Variants in CSGALNACT1 observed in about 807,000 individuals in gnomAD.
The protein encoded by CSGALNACT1 is chondroitin sulfate N-acetylgalactosaminyltransferase 1.
In CSGALNACT1, 52 loss-of-function variants were observed where a neutral mutation model predicts 51.0. The observed-to-expected ratio is 1.02, with a 90% CI of 0.82 to 1.29. The LOEUF (loss-of-function observed/expected upper bound fraction) is 1.29, where lower values mean the gene tolerates loss of function less well. Among genes scored for constraint, CSGALNACT1 ranks in the 50% most tolerant of loss-of-function variants. The pLI is 0.00. For missense variants in CSGALNACT1, 935 were observed against 679.2 expected, an observed-to-expected ratio of 1.38 and a Z score of -4.19; for synonymous variants, 341 against 254.4, an observed-to-expected ratio of 1.34 and a Z score of -3.24.
intron 1 of CSGALNACT1, among the ~76,000 whole-genome samples, chr8:19,619,094 T>C (rs2053471305): frequency 6.6e-6 from 1 of 151,960 alleles, no homozygotes; most frequent in African/African-American, 2.4e-5. Flanking sequence ...CAGTGGGCTA[T>C]GAGAAAGCGT....
intron 8 of CSGALNACT1, among the ~76,000 whole-genome samples, chr8:19,413,563 G>A (rs1344138532): frequency 6.6e-6 from 1 of 152,194 alleles, no homozygotes; most frequent in African/African-American, 2.4e-5. Flanking sequence ...ATGCAAGGAT[G>A]CATAGGATGT....
chr8:19,666,995 GAAAGAAAGAAAGAAAGA>G lies in CSGALNACT1; in HGVS notation c.-544+15461_-544+15477del, dbSNP rs1564385679. ...AGAAAGAAAGAAAGAAAGAAAGAAAGAAAGAAAGAAAGAAAGAAAGAAAGGAAGGAAGGAAGGAAGGA... is the reference window on the plus strand; with the variant it reads ...AGAAAGAAAGAAAGAAAGAAAGAAAGAAGAAAGGAAGGAAGGAAGGAAGGA... On this transcript the variant is annotated intron_variant, in intron 1 of 9. Coordinates refer to the CSGALNACT1 transcript ENST00000332246. 9.9e-3 allele frequency among the ~76,000 whole-genome samples: 265 copies of G among 26,886 alleles called. 13 individuals are homozygous for G. Among genetic ancestry groups the G allele is most frequent in the Middle Eastern group, 0.028 (1 of 36 alleles). 17.6% of individuals were successfully genotyped at this position (26,886 alleles called of 152,430 possible).
At chr8:19,546,238 T>A (rs774236729) in intron 3 of CSGALNACT1, among the ~76,000 whole-genome samples, 2 of 152,316 alleles carry the variant, frequency 1.3e-5, no homozygotes, top group East Asian at 1.9e-4. Flanking sequence ...TATAAATACA[T>A]AAAACATGAT....
At chr8:19,416,259 C>T (rs1057360254) in intron 8 of CSGALNACT1, among the ~76,000 whole-genome samples, 8 of 151,808 alleles carry the variant, frequency 5.3e-5, no homozygotes, top group Non-Finnish European at 7.4e-5. Flanking sequence ...GGATTACAGG[C>T]GCATACCACC....
chr8:19,722,202 C>T (rs556631332), intron 1 of CSGALNACT1, among the ~76,000 whole-genome samples: 2 of 152,142 alleles, frequency 1.3e-5, no homozygotes, highest in East Asian at 3.9e-4. Context: ...AAGAAATTGG[C>T]GCTTGAGACC....
intron 4 of CSGALNACT1, among the ~76,000 whole-genome samples, chr8:19,504,264 G>T (rs541489947): frequency 6.6e-6 from 1 of 152,228 alleles, no homozygotes; most frequent in South Asian, 2.1e-4. Context: ...TTTTAGTAGA[G>T]ATGGGGTTTC....
chr8:19,462,928 T>C (rs1428320202), intron 4 of CSGALNACT1, among the ~76,000 whole-genome samples: 1 of 152,160 alleles, frequency 6.6e-6, no homozygotes, highest in East Asian at 1.9e-4. Flanking sequence ...CTAAACAGCA[T>C]AGAGCATAGT....
At chr8:19,530,626 G>C (rs2082583039) in intron 3 of CSGALNACT1, among the ~76,000 whole-genome samples, 1 of 152,144 alleles carries the variant, frequency 6.6e-6, no homozygotes, top group Admixed American at 6.5e-5. Flanking sequence ...AGTTATTCAA[G>C]TGGCTGAGGC....
chr8:19,681,427 A>G (rs1218672502), intron 1 of CSGALNACT1, among the ~76,000 whole-genome samples: 1 of 152,158 alleles, frequency 6.6e-6, no homozygotes, highest in Non-Finnish European at 1.5e-5. Flanking sequence ...TGGCTCCTCC[A>G]TCACAGCAGA....
At chr8:19,536,900 T>C (rs528230849) in intron 3 of CSGALNACT1, among the ~76,000 whole-genome samples, 4 of 152,298 alleles carry the variant, frequency 2.6e-5, no homozygotes, top group African/African-American at 9.6e-5. Context: ...CAGAAGTAAT[T>C]CAACGGGGGT....
At position 19,486,192 on chromosome 8, in the gene CSGALNACT1, T is replaced by C. The variant is rs570124489; in HGVS notation, c.634+19009A>G. On this transcript the variant is annotated intron_variant, in intron 4 of 9. Transcript: ENST00000454498. ...ACTTGTGTTTTTCCCAGGTGTGCCTTTAGGCTGGCTTAATGAGCCTTGATG... is the reference window on the plus strand; with the variant it reads ...ACTTGTGTTTTTCCCAGGTGTGCCTCTAGGCTGGCTTAATGAGCCTTGATG... Among the ~76,000 whole-genome samples, 244 of 152,192 alleles carry C rather than the reference T, an allele frequency of 1.6e-3. 1 individual carries two copies. Among genetic ancestry groups the C allele is most frequent in the Admixed American group, 2.7e-3 (41 of 15,292 alleles).
At chr8:19,409,553 G>T (rs1413560331) in intron 8 of CSGALNACT1, among the ~76,000 whole-genome samples, 3 of 151,958 alleles carry the variant, frequency 2.0e-5, no homozygotes, top group Non-Finnish European at 4.4e-5. Flanking sequence ...ACACAAACAC[G>T]TATTCAGCTG....
chr8:19,542,210 C>T (rs2085366542), intron 3 of CSGALNACT1, among the ~76,000 whole-genome samples: 2 of 143,726 alleles, frequency 1.4e-5, no homozygotes, highest in South Asian at 4.3e-4. Context: ...AACACACACA[C>T]ACACACACAC....
intron 3 of CSGALNACT1, among the ~76,000 whole-genome samples, chr8:19,521,411 G>A (rs568755005): frequency 1.1e-4 from 16 of 152,308 alleles, no homozygotes; most frequent in East Asian, 5.8e-4. Context: ...GGGCCGGCAC[G>A]GTGACTTACG....
chr8:19,707,959 G>C (rs540597609), intron 1 of CSGALNACT1, among the ~76,000 whole-genome samples: 1 of 152,318 alleles, frequency 6.6e-6, no homozygotes, highest in South Asian at 2.1e-4. Flanking sequence ...AGTGAGCTGA[G>C]ATGGCGCCAC....
chr8:19,452,248 G>T (rs1230894154), intron 5 of CSGALNACT1, among the ~76,000 whole-genome samples: 1 of 152,170 alleles, frequency 6.6e-6, no homozygotes, highest in Non-Finnish European at 1.5e-5. Flanking sequence ...GTGAGAGAAG[G>T]CAGCCTGGGG....
At chr8:19,636,683 C>G (rs2056109937) in intron 1 of CSGALNACT1, among the ~76,000 whole-genome samples, 1 of 152,156 alleles carries the variant, frequency 6.6e-6, no homozygotes, top group African/African-American at 2.4e-5. Flanking sequence ...GTGCTGTCCC[C>G]AAATGGAGTG....
At chr8:19,719,556 G>A (rs770112316) in intron 1 of CSGALNACT1, among the ~76,000 whole-genome samples, 2 of 152,186 alleles carry the variant, frequency 1.3e-5, no homozygotes, top group East Asian at 3.9e-4. Flanking sequence ...GATGCCAGGA[G>A]CTAAATGTCC....
At chr8:19,664,019 C>A (rs1336821073) in intron 1 of CSGALNACT1, among the ~76,000 whole-genome samples, 1 of 152,112 alleles carries the variant, frequency 6.6e-6, no homozygotes, top group Non-Finnish European at 1.5e-5. Flanking sequence ...CGACTCCCAG[C>A]TGGTGAAAGC....
Sources: allele counts gnomAD v4.1 joint callset (sites outside exome capture counted in the v4.1 genomes callset), GRCh38; gene constraint gnomAD v4.1.1; transcripts MANE v1.5; gene names NCBI Gene and HGNC (gene_info 2026-07-23, HGNC 2026-07-21).